Variants in DNAAF11 observed in about 807,000 individuals in gnomAD.
DNAAF11 encodes the protein dynein axonemal assembly factor 11, also known as leucine rich repeat containing 6.
DNAAF11 carries 45 observed loss-of-function variants against 60.8 expected under a neutral mutation model. The ratio of observed to expected loss-of-function variants is 0.74; its 90% CI spans 0.58 to 0.95. DNAAF11 has a LOEUF of 0.95. Ranked by LOEUF, DNAAF11 falls within the 40% of genes least tolerant of loss-of-function variation. DNAAF11 has a pLI of 0.00. For synonymous variants in DNAAF11, 191 were observed against 183.5 expected (o/e 1.04, Z -0.33); for missense variants, 546 against 546.2 (o/e 1.00, Z 0.00).
the DNAAF11 span, among the ~76,000 whole-genome samples, chr8:132,682,099 A>T: frequency 6.6e-6 from 1 of 152,330 alleles, no homozygotes; most frequent in African/African-American, 2.4e-5. Flanking sequence ...TTTCAATTGA[A>T]AGATGGTGCC....
At chr8:132,635,530 G>A (rs1179062322) in intron 4 of DNAAF11, among the ~76,000 whole-genome samples, 1 of 152,120 alleles carries the variant, frequency 6.6e-6, no homozygotes, top group African/African-American at 2.4e-5. Flanking sequence ...CTCAGACACT[G>A]GGAAGAAAAA....
At chr8:132,599,166 A>C (rs1817331511) in intron 10 of DNAAF11, among the ~76,000 whole-genome samples, 1 of 152,222 alleles carries the variant, frequency 6.6e-6, no homozygotes, top group Non-Finnish European at 1.5e-5. Context: ...ATAAACTAGA[A>C]AATCTAGAAG....
At chr8:132,653,523 T>A (rs1448994165) in intron 3 of DNAAF11, among the ~76,000 whole-genome samples, 4 of 152,138 alleles carry the variant, frequency 2.6e-5, no homozygotes, top group African/African-American at 9.6e-5. Flanking sequence ...GTACCTATTT[T>A]CTTCTCCTAA....
chr8:132,672,930 G>A (rs1019223654), intron 1 of DNAAF11, among the ~76,000 whole-genome samples: 1 of 152,090 alleles, frequency 6.6e-6, no homozygotes, highest in African/African-American at 2.4e-5. Flanking sequence ...TCTCGAGCAC[G>A]GTCTCTCTAA....
intron 3 of DNAAF11, chr8:132,643,659 T>C (rs527696416): frequency 2.2e-6 from 1 of 456,228 alleles, no homozygotes; most frequent in East Asian, 6.9e-5. Context: ...ATCTGCATCG[T>C]CCACATCAGG....
In DNAAF11 at chr8:132,638,088, T is replaced by C; in HGVS notation, c.276A>G (p.Lys92=). The C allele has an allele frequency of 6.2e-7, 1 of 1,613,866 alleles. No individual in the cohort carries two copies. Among genetic ancestry groups the C allele is most frequent in the Non-Finnish European group, 8.5e-7 (1 of 1,179,962 alleles). ...ENLEGCEELA[K]LDLTVNFIGE... ...CAATGAAATTCACAGTCAGGTCAAG[T>C]TTTGCCAGCTCTTCACATCCTGTTG... The change falls in exon 4 of 12, where the codon AAA becomes AAG. Residue 92 remains lysine (K), a synonymous_variant. Coordinates refer to ENST00000620350, the MANE Select transcript of DNAAF11 (RefSeq NM_012472.6).
At chr8:132,698,906 G>A in the DNAAF11 span, among the ~76,000 whole-genome samples, 2 of 141,282 alleles carry the variant, frequency 1.4e-5, no homozygotes, top group East Asian at 2.0e-4. Context: ...CATGGCGAAC[G>A]CTGTTTCTAC....
Position 132,586,889 on chromosome 8 carries a change from G to A in DNAAF11, c.1141-3110C>T, listed in dbSNP as rs4546641. On this transcript the variant is annotated intron_variant, in intron 10 of 11. Transcript: ENST00000620350. ...TTCTTAATACATATTTTGCATGCTC[G>A]TCTGCATTTCAGAATCTGCTTCCCA... Among the ~76,000 whole-genome samples, 1,005 of 152,006 alleles carry A rather than the reference G, an allele frequency of 6.6e-3. 10 individuals carry two copies. The highest frequency in any genetic ancestry group is 0.023 in the African/African-American group (935 of 41,424).
chr8:132,609,264 T>C (rs1027160364), intron 10 of DNAAF11, among the ~76,000 whole-genome samples: 3 of 151,808 alleles, frequency 2.0e-5, no homozygotes, highest in African/African-American at 7.3e-5. Context: ...CTGTACACTT[T>C]AAATCACCTC....
rs1471732048 is a variant in DNAAF11 at position 132,632,769 on chromosome 8, T to C, written c.624A>G (p.Gly208=). 3.7e-6 allele frequency: 6 copies of C among 1,612,474 alleles called. No homozygotes were observed. The highest frequency in any genetic ancestry group is 5.1e-6 in the Non-Finnish European group (6 of 1,178,514). Residue 208 remains glycine (G), a synonymous_variant, in exon 5 of 12, where the codon GGA becomes GGG. Transcript: ENST00000620350. ...TAGCATTGATGTCTGTGTACCAACG[T>C]CCATCAAAGCCTGCGTTACTTCTCT... ...EDKRSNAGFD[G]RWYTDINATL...
chr8:132,659,903 C>T (rs773263117), intron 2 of DNAAF11, among the ~76,000 whole-genome samples: 20 of 152,136 alleles, frequency 1.3e-4, no homozygotes, highest in Non-Finnish European at 2.2e-4. Flanking sequence ...ATGCCAATAG[C>T]ATCCTCTCCC....
chr8:132,680,203 A>G (rs1825844590), upstream of DNAAF11, among the ~76,000 whole-genome samples: 1 of 152,228 alleles, frequency 6.6e-6, no homozygotes, highest in Non-Finnish European at 1.5e-5. Flanking sequence ...ATTTCACTCA[A>G]AGTGGATGAA....
At chr8:132,573,947 G>A (rs1814474531) in intron 11 of DNAAF11, among the ~76,000 whole-genome samples, 1 of 152,318 alleles carries the variant, frequency 6.6e-6, no homozygotes, top group Admixed American at 6.5e-5. Flanking sequence ...AGAAGAAATG[G>A]AAAAGGGGCT....
chr8:132,633,109 G>A (rs969701427), intron 4 of DNAAF11, 146 bp from the exon 5 acceptor site: 10 of 579,484 alleles, frequency 1.7e-5, no homozygotes, highest in Non-Finnish European at 3.0e-5. Flanking sequence ...TCAGAACATT[G>A]TTCTAAATTA....
chr8:132,660,226 CTT>C (rs563667546), intron 2 of DNAAF11, among the ~76,000 whole-genome samples: 1 of 146,580 alleles, frequency 6.8e-6, no homozygotes, highest in African/African-American at 2.5e-5. Flanking sequence ...GAGTACTTAT[CTT>C]TTTTTTTTTT....
In DNAAF11 at chr8:132,625,263, A is replaced by T; in HGVS notation, c.836+9T>A. ...TACTGCTTCCCTCTCCTAGGAAAGA[A>T]TGAAATACCTTAATTTTTCCTGTTT... On this transcript the variant is annotated intron_variant, in intron 6 of 11. Coordinates refer to ENST00000620350, the MANE Select transcript of DNAAF11 (RefSeq NM_012472.6). 6.3e-7 allele frequency: 1 copy of T among 1,590,534 alleles called. No individual in the cohort carries two copies. The highest frequency in any genetic ancestry group is 8.6e-7 in the Non-Finnish European group (1 of 1,168,852).
intron 3 of DNAAF11, among the ~76,000 whole-genome samples, chr8:132,648,566 A>T (rs1666450046): frequency 6.6e-6 from 1 of 152,218 alleles, no homozygotes; most frequent in Non-Finnish European, 1.5e-5. Flanking sequence ...GAGGAAGTCA[A>T]ATTGTCCCTG....
At chr8:132,633,054 C>A (rs889570595) in intron 4 of DNAAF11, 91 bp from the exon 5 acceptor site, 2 of 708,424 alleles carry the variant, frequency 2.8e-6, no homozygotes, top group Non-Finnish European at 4.8e-6. Flanking sequence ...TAATAATATA[C>A]CCGATAGTGA....
chr8:132,662,644 T>C (rs910745622), intron 1 of DNAAF11, among the ~76,000 whole-genome samples: 5 of 152,208 alleles, frequency 3.3e-5, no homozygotes, highest in Non-Finnish European at 7.3e-5. Context: ...GATGAGGAAG[T>C]AAAGCACAGA....
Sources: allele counts gnomAD v4.1 joint callset (sites outside exome capture counted in the v4.1 genomes callset), GRCh38; gene constraint gnomAD v4.1.1; transcripts MANE v1.5; gene names NCBI Gene and HGNC (gene_info 2026-07-23, HGNC 2026-07-21).